FGF10: variants seen among roughly 807,000 people sequenced by gnomAD.
FGF10 encodes the protein fibroblast growth factor 10.
FGF10 carries 2 observed loss-of-function variants against 19.8 expected under a neutral mutation model. The observed-to-expected ratio is 0.10, with a 90% CI of 0.04 to 0.32. The LOEUF is 0.32. Ranked by LOEUF, FGF10 falls within the 10% of genes least tolerant of loss-of-function variation. The probability of loss-of-function intolerance (pLI) is 1.00; values close to 1 mark genes in which losing one functional copy is unlikely to be tolerated. For missense variants in FGF10, 191 were observed against 246.3 expected (o/e 0.78, Z 1.50); for synonymous variants, 112 against 94.0 (o/e 1.19, Z -1.10).
intron 1 of FGF10, among the ~76,000 whole-genome samples, chr5:44,361,910 C>T (rs1356961823): frequency 6.6e-6 from 1 of 151,602 alleles, no homozygotes; most frequent in Non-Finnish European, 1.5e-5. Context: ...GACACAAAGT[C>T]ACCTCCTATC....
At chr5:44,312,999 A>G (rs964449742) in intron 1 of FGF10, among the ~76,000 whole-genome samples, 1 of 152,124 alleles carries the variant, frequency 6.6e-6, no homozygotes, top group East Asian at 1.9e-4. Context: ...TTTCTGCTTT[A>G]CCTGAAATGG....
intron 1 of FGF10, among the ~76,000 whole-genome samples, chr5:44,354,126 G>A (rs1579927636): frequency 6.6e-6 from 1 of 151,154 alleles, no homozygotes; most frequent in South Asian, 2.1e-4. Context: ...CTTTTCTTAA[G>A]AGAATACAAA....
chr5:44,363,800 T>C (rs997412860), intron 1 of FGF10, among the ~76,000 whole-genome samples: 6 of 151,926 alleles, frequency 3.9e-5, no homozygotes, highest in African/African-American at 1.4e-4. Flanking sequence ...CATATTCACG[T>C]GAAATTATTC....
chr5:44,327,274 A>C (rs1740636857), intron 1 of FGF10, among the ~76,000 whole-genome samples: 1 of 152,198 alleles, frequency 6.6e-6, no homozygotes, highest in Admixed American at 6.5e-5. Context: ...AAACATAAGA[A>C]GGATTTCTTG....
chr5:44,318,471 A>G (rs766374537), intron 1 of FGF10, among the ~76,000 whole-genome samples: 1 of 152,064 alleles, frequency 6.6e-6, no homozygotes, highest in Non-Finnish European at 1.5e-5. Context: ...GCCACATCCC[A>G]CTTTTGTCTC....
chr5:44,335,308 A>G (rs906649618), intron 1 of FGF10, among the ~76,000 whole-genome samples: 4 of 152,062 alleles, frequency 2.6e-5, no homozygotes, highest in African/African-American at 9.7e-5. Flanking sequence ...AGCATGCCCA[A>G]GTAGACTGGA....
intron 1 of FGF10, among the ~76,000 whole-genome samples, chr5:44,312,203 C>CAT (rs1740228730): frequency 6.6e-6 from 1 of 151,734 alleles, no homozygotes; most frequent in Non-Finnish European, 1.5e-5. Flanking sequence ...GGTACACACA[C>CAT]ACACACACAC....
At chr5:44,319,368 T>C (rs1453407617) in intron 1 of FGF10, among the ~76,000 whole-genome samples, 3 of 152,228 alleles carry the variant, frequency 2.0e-5, no homozygotes, top group African/African-American at 7.2e-5. Flanking sequence ...ATTTCTTTAA[T>C]ATAACTAATT....
Position 44,320,398 on chromosome 5 carries a change from C to G in FGF10, c.326-9868G>C, listed in dbSNP as rs529605855. On this transcript the variant is annotated intron_variant, in intron 1 of 2. Transcript: ENST00000264664. ...GTCACAGTTTTGGTAAGCCCTCAAGCTAACCCAGCCAAAATGAGTAAAAAA... is the reference window on the plus strand; with the variant it reads ...GTCACAGTTTTGGTAAGCCCTCAAGGTAACCCAGCCAAAATGAGTAAAAAA... Among the ~76,000 whole-genome samples the G allele has an allele frequency of 3.3e-5, 5 of 152,288 alleles. No homozygotes were observed. In the South Asian group the frequency reaches 1.0e-3, roughly 32 times the overall value.
At chr5:44,311,375 A>G (rs1740207982) in intron 1 of FGF10, among the ~76,000 whole-genome samples, 1 of 152,090 alleles carries the variant, frequency 6.6e-6, no homozygotes, top group Non-Finnish European at 1.5e-5. Flanking sequence ...AGACCTAGGG[A>G]ACTAAAACTA....
intron 1 of FGF10, among the ~76,000 whole-genome samples, chr5:44,369,823 T>G (rs533085688): frequency 3.9e-4 from 60 of 152,288 alleles, no homozygotes; most frequent in African/African-American, 1.4e-3. Flanking sequence ...TTCCAGAATA[T>G]GTGCAAAAAT....
chr5:44,325,952 A>G (rs2111742558), intron 1 of FGF10, among the ~76,000 whole-genome samples: 1 of 152,326 alleles, frequency 6.6e-6, no homozygotes, highest in Middle Eastern at 3.4e-3. Flanking sequence ...TACCCATCAT[A>G]CAGCATATAT....
chr5:44,360,564 C>A (rs1741458070), intron 1 of FGF10, among the ~76,000 whole-genome samples: 1 of 151,620 alleles, frequency 6.6e-6, no homozygotes, highest in Admixed American at 6.6e-5. Flanking sequence ...CTCTTGTCTA[C>A]CTCATGGCTT....
At chr5:44,340,272 A>G (rs1312777228) in intron 1 of FGF10, among the ~76,000 whole-genome samples, 1 of 152,084 alleles carries the variant, frequency 6.6e-6, no homozygotes, top group Non-Finnish European at 1.5e-5. Flanking sequence ...GAATAGGAAT[A>G]ACACTCCTTT....
At chr5:44,334,125 C>A (rs1306761162) in intron 1 of FGF10, among the ~76,000 whole-genome samples, 1 of 152,004 alleles carries the variant, frequency 6.6e-6, no homozygotes, top group East Asian at 1.9e-4. Flanking sequence ...ATTTACCTTC[C>A]CAGTTTTCCA....
At chr5:44,317,720 T>C (rs745473607) in intron 1 of FGF10, among the ~76,000 whole-genome samples, 7 of 152,176 alleles carry the variant, frequency 4.6e-5, no homozygotes, top group Non-Finnish European at 8.8e-5. Flanking sequence ...TTGGTAAACT[T>C]GACTTTTTTT....
rs1483194348 is a variant in FGF10 at position 44,303,032 on chromosome 5, T to A, written c.*1963A>T. On this transcript the variant is annotated 3_prime_UTR_variant, in exon 3 of 3. Coordinates refer to ENST00000264664, the MANE Select transcript of FGF10 (RefSeq NM_004465.2). The stretch of plus-strand genomic sequence containing the variant: ...ATAGCTCACAGACTGAGTTACCAAT[T>A]AAATTTTAACATCCAGATTCCAACC... 6.6e-6 allele frequency among the ~76,000 whole-genome samples: 1 copy of A among 152,164 alleles called. No individual in the cohort carries two copies. Among genetic ancestry groups the A allele is most frequent in the Non-Finnish European group, 1.5e-5 (1 of 68,030 alleles).
At chr5:44,311,433 C>A (rs377548117) in intron 1 of FGF10, among the ~76,000 whole-genome samples, 1 of 152,142 alleles carries the variant, frequency 6.6e-6, no homozygotes, top group Admixed American at 6.6e-5. Flanking sequence ...GAAGTAGCAT[C>A]GTGATTAGCA....
At chr5:44,359,238 T>C (rs75309761) in intron 1 of FGF10, among the ~76,000 whole-genome samples, 4,210 of 151,602 alleles carry the variant, frequency 0.028, 200 homozygotes, top group African/African-American at 0.096. Flanking sequence ...GCTATTAACT[T>C]GCATATTTTT....
Sources: gnomAD v4.1 joint callset for allele counts (sites outside exome capture counted in the v4.1 genomes callset) on GRCh38, gnomAD v4.1.1 for gene constraint, MANE v1.5 for transcripts, NCBI Gene and HGNC (gene_info 2026-07-23, HGNC 2026-07-21) for gene names.